CD200: variants seen among roughly 807,000 people sequenced by gnomAD.
The protein encoded by CD200 is CD200 molecule.
In CD200, 15 loss-of-function variants were observed where a neutral mutation model predicts 30.9. The observed-to-expected ratio is 0.49, with a 90% CI of 0.32 to 0.75. The LOEUF (loss-of-function observed/expected upper bound fraction) is 0.75. CD200 is among the 30% of genes least tolerant of loss of function. The probability of loss-of-function intolerance (pLI) is 0.03; values close to 1 mark genes in which losing one functional copy is unlikely to be tolerated. For synonymous variants in CD200, 134 were observed against 126.2 expected (o/e 1.06, Z -0.41); for missense variants, 262 against 324.2 (o/e 0.81, Z 1.47).
In CD200 at chr3:112,345,288, G is replaced by A. The variant is rs776832299; in HGVS notation, c.421G>A (p.Val141Ile). 6.8e-6 allele frequency: 11 copies of A among 1,608,500 alleles called. No individual in the cohort carries two copies. In the Admixed American group the frequency reaches 1.8e-4, roughly 27 times the overall value. The part of the protein sequence containing the change: ...ISGTACLTVY[V>I]QPIVSLHYKF... ...AGGAACGGCCTGCCTCACCGTCTAT[G>A]GTGAGAATCTCTGAGAATCATTGTC... Residue 141 changes from valine to isoleucine, a missense_variant and splice_region_variant, in exon 3 of 6, where the codon GTA (valine) becomes ATA (isoleucine). Coordinates refer to ENST00000315711, the MANE Select transcript of CD200 (RefSeq NM_005944.7).
At chr3:112,337,472 G>A (rs1250914452) in intron 1 of CD200, among the ~76,000 whole-genome samples, 2 of 152,008 alleles carry the variant, frequency 1.3e-5, no homozygotes, top group Non-Finnish European at 2.9e-5. Flanking sequence ...GCAGGGAGGG[G>A]ATACATAGGA....
At chr3:112,339,092 A>G (rs975238536) in intron 1 of CD200, among the ~76,000 whole-genome samples, 3 of 152,234 alleles carry the variant, frequency 2.0e-5, no homozygotes, top group Non-Finnish European at 4.4e-5. Context: ...TAAATGTTAA[A>G]TAAATGTTAG....
intron 3 of CD200, 45 bp from the exon 4 acceptor site, chr3:112,347,513 C>T (rs7612748): frequency 0.26 from 406,596 of 1,581,832 alleles, 56,210 homozygotes; most frequent in Non-Finnish European, 0.29. Flanking sequence ...AGGACTCAGA[C>T]CAGGTGCTTA....
At chr3:112,341,569 C>T (rs1050673373) in intron 2 of CD200, among the ~76,000 whole-genome samples, 3 of 152,204 alleles carry the variant, frequency 2.0e-5, no homozygotes, top group African/African-American at 2.4e-5. Context: ...TCAGCATCAG[C>T]CTCCACAGAT....
At chr3:112,333,025 T>G (rs900677536), upstream of CD200, 1 of 726,524 alleles carries the variant, frequency 1.4e-6, no homozygotes. Flanking sequence ...CATCATTTAA[T>G]TCCCCCCACA....
rs117936214 is a variant in CD200, at chr3:112,335,804, A to T, written c.12+2580A>T. 929 of 719,120 alleles carry T rather than the reference A, an allele frequency of 1.3e-3. 5 individuals are homozygous for T. The East Asian group carries it at 0.016, about 13-fold the overall frequency. 44.5% of individuals were successfully genotyped at this position (719,120 alleles called of 1,614,324 possible). ...CTTTTCCAGCAGGCCAGTCTCTAAC[A>T]TGATCTTGGGTCTTCACCCAGACCA... On this transcript the variant is annotated intron_variant, in intron 1 of 5. Coordinates refer to ENST00000315711, the MANE Select transcript of CD200 (RefSeq NM_005944.7).
intron 2 of CD200, 145 bp from the exon 3 acceptor site, chr3:112,344,817 G>A (rs138932756): frequency 5.6e-5 from 36 of 637,636 alleles, no homozygotes; most frequent in East Asian, 4.7e-4. Flanking sequence ...CTGGCATCAC[G>A]TAGGAATGTA....
intron 5 of CD200, among the ~76,000 whole-genome samples, chr3:112,351,833 C>G (rs559997406): frequency 3.3e-5 from 5 of 152,252 alleles, no homozygotes; most frequent in African/African-American, 1.2e-4. Flanking sequence ...CTCAAGCTAC[C>G]TCCACTAATA....
chr3:112,343,464 T>C (rs934456180), intron 2 of CD200, among the ~76,000 whole-genome samples: 1 of 152,050 alleles, frequency 6.6e-6, no homozygotes, highest in African/African-American at 2.4e-5. Flanking sequence ...ACGCTACGGC[T>C]GGCTAATTTT....
intron 3 of CD200, among the ~76,000 whole-genome samples, chr3:112,347,176 C>A (rs2081416402): frequency 6.6e-6 from 1 of 152,154 alleles, no homozygotes; most frequent in Admixed American, 6.5e-5. Flanking sequence ...TATTGTCAAG[C>A]CATTTAAGAG....
chr3:112,346,355 T>C (rs2081393433), intron 3 of CD200, among the ~76,000 whole-genome samples: 1 of 152,050 alleles, frequency 6.6e-6, no homozygotes, highest in Non-Finnish European at 1.5e-5. Flanking sequence ...CTCTTCCTCT[T>C]TTCCTCACCT....
At chr3:112,342,405 C>CTTTCTT in intron 2 of CD200, among the ~76,000 whole-genome samples, 1 of 60,214 alleles carries the variant, frequency 1.7e-5, no homozygotes, top group Non-Finnish European at 3.3e-5. Flanking sequence ...TTCTTTCTTT[C>CTTTCTT]TTTCTTTCTT....
chr3:112,347,737 A>T lies in CD200; in HGVS notation c.601A>T (p.Ile201Phe), dbSNP rs1288357593. 6.2e-7 allele frequency: 1 copy of T among 1,613,918 alleles called. No homozygotes were observed. Among genetic ancestry groups the T allele is most frequent in the Non-Finnish European group, 8.5e-7 (1 of 1,179,890 alleles). ...CACGTCTGTTACCAGCATCCTCCAT[A>T]TCAAAGACCCTAAGAATCAGGTGGG... ...GTTSVTSILHIKDPKNQVGKE... is the reference protein window; with the variant it reads ...GTTSVTSILHFKDPKNQVGKE... Residue 201 changes from isoleucine (I) to phenylalanine (F), a missense_variant, in exon 4 of 6, where the codon ATC becomes TTC. Ile to Phe is a conservative substitution (Grantham distance 21). Transcript: ENST00000315711.
chr3:112,346,565 T>G (rs2081398946), intron 3 of CD200, among the ~76,000 whole-genome samples: 1 of 152,170 alleles, frequency 6.6e-6, no homozygotes, highest in South Asian at 2.1e-4. Context: ...ATCAACCATA[T>G]TCATGTTTTT....
upstream of CD200, chr3:112,333,046 C>G (rs928388375): frequency 4.3e-6 from 4 of 923,188 alleles, no homozygotes; most frequent in Non-Finnish European, 6.7e-6. Context: ...CAGACAGCCT[C>G]CGCTCCTGTG....
chr3:112,349,973 T>G (rs994226771), intron 5 of CD200, 154 bp downstream of exon 5: 30 of 985,276 alleles, frequency 3.0e-5, no homozygotes, highest in Non-Finnish European at 3.5e-5. Flanking sequence ...TGTTTTAAAA[T>G]GCGTCGGGGC....
Position 112,349,810 on chromosome 3 carries a change from CAGG to C in CD200, c.795_797del (p.Gln265_Asp266delinsHis), listed in dbSNP as rs1283598098. On this transcript the variant is annotated inframe_deletion, in exon 5 of 6. Transcript: ENST00000315711. ...ACTGTACTGGAAACGTCACCGGAAT[CAGG>C]ACCGAGGTGAGTTGTCACAGGGAGT... 6.2e-7 allele frequency: 1 copy of C among 1,609,102 alleles called. No homozygotes were observed.
At chr3:112,333,058 G>A (rs3814411), upstream of CD200, 379 of 1,065,838 alleles carry the variant, frequency 3.6e-4, 3 homozygotes, top group East Asian at 9.7e-3. Flanking sequence ...GCTCCTGTGA[G>A]GGCGTGGGGA....
intron 1 of CD200, among the ~76,000 whole-genome samples, chr3:112,334,999 T>C (rs1490145694): frequency 1.3e-5 from 2 of 152,228 alleles, no homozygotes; most frequent in Non-Finnish European, 2.9e-5. Context: ...AGAAGCCTAA[T>C]GGTTTAAAAA....
Sources: gnomAD v4.1 joint callset for allele counts (sites outside exome capture counted in the v4.1 genomes callset) on GRCh38, gnomAD v4.1.1 for gene constraint, MANE v1.5 for transcripts, NCBI Gene and HGNC (gene_info 2026-07-23, HGNC 2026-07-21) for gene names.